Variants in SFMBT1 observed in about 807,000 individuals in gnomAD.
SFMBT1 encodes the protein scm-like with four MBT domains protein 1.
In SFMBT1, 32 loss-of-function variants were observed where a neutral mutation model predicts 108.7. That is an observed-to-expected ratio of 0.29 (90% CI 0.22 to 0.40). SFMBT1 has a LOEUF of 0.40. Ranked by LOEUF, SFMBT1 falls within the 10% of genes least tolerant of loss-of-function variation. The pLI is 1.00. For missense variants in SFMBT1, 816 were observed against 1,059.6 expected (o/e 0.77, Z 3.19); for synonymous variants, 348 against 369.5 (o/e 0.94, Z 0.67).
At chr3:53,022,486 C>G (rs1174834991) in intron 1 of SFMBT1, among the ~76,000 whole-genome samples, 2 of 149,426 alleles carry the variant, frequency 1.3e-5, no homozygotes, top group Non-Finnish European at 3.0e-5. Flanking sequence ...AACATAAGAC[C>G]CTGTTTCTAT....
At chr3:53,011,776 C>G (rs1698953422) in intron 1 of SFMBT1, among the ~76,000 whole-genome samples, 1 of 152,208 alleles carries the variant, frequency 6.6e-6, no homozygotes, top group Non-Finnish European at 1.5e-5. Context: ...GTGTAAAAGA[C>G]TGGTGTGTTC....
rs1197469510 is a variant in SFMBT1, at chr3:52,916,151, T to C, written c.1479A>G (p.Ser493=). 6.2e-7 allele frequency: 1 copy of C among 1,613,688 alleles called. No individual in the cohort carries two copies. Among genetic ancestry groups the C allele is most frequent in the Admixed American group, 1.7e-5 (1 of 59,998 alleles). Residue 493 remains serine (S), a splice_region_variant and synonymous_variant, in exon 14 of 21, where the codon TCA becomes TCG. Transcript: ENST00000394752. The part of the protein sequence containing the change: ...LRNQELNSTE[S]VMINGKYCCP... ...CCTTAAGATGACATGTGCTTATACC[T>C]GACTCTGTGGAGTTCAGCTCCTGAT...
chr3:52,985,666 C>T (rs1014602300), intron 1 of SFMBT1, among the ~76,000 whole-genome samples: 1 of 152,094 alleles, frequency 6.6e-6, no homozygotes, highest in Non-Finnish European at 1.5e-5. Context: ...TGTCATTATT[C>T]GAACATCATA....
chr3:52,965,317 G>T (rs1704096401), intron 2 of SFMBT1, among the ~76,000 whole-genome samples: 2 of 95,092 alleles, frequency 2.1e-5, no homozygotes, highest in South Asian at 5.5e-4. Flanking sequence ...ACAACAGAGA[G>T]AAAACATTAA....
intron 1 of SFMBT1, among the ~76,000 whole-genome samples, chr3:53,032,585 T>C (rs1439930548): frequency 6.6e-6 from 1 of 152,218 alleles, no homozygotes; most frequent in Non-Finnish European, 1.5e-5. Context: ...AACATAATCA[T>C]TTCTTGTTTA....
Position 52,971,980 on chromosome 3 carries a change from G to C in SFMBT1, c.-130-2722C>G, listed in dbSNP as rs139046372. ...TTAATATTTACTGAGGACTGCCTAC[G>C]TGCTGGGGCACTGTTTTAAGCAGGT... is the stretch of plus-strand genomic sequence containing the variant. On this transcript the variant is annotated intron_variant, in intron 1 of 20. Coordinates refer to ENST00000394752, the MANE Select transcript of SFMBT1 (RefSeq NM_016329.4). Among the ~76,000 whole-genome samples, 1,864 of 152,338 alleles carry C rather than the reference G, an allele frequency of 0.012. 129 individuals carry two copies. The South Asian group carries it at 0.18, about 15-fold the overall frequency.
At chr3:52,954,858 TA>T (rs11310704) in intron 2 of SFMBT1, among the ~76,000 whole-genome samples, 148,603 of 149,548 alleles carry the variant, frequency 0.99, 73,833 homozygotes, top group East Asian at 1. Flanking sequence ...TTTACCTTAA[TA>T]AAAAAAAAAA....
chr3:52,921,728 G>C lies in SFMBT1; in HGVS notation c.1235C>G (p.Ser412Cys). ...CVATITAVRGSYLWLQLEGSK... is the reference protein window; with the variant it reads ...CVATITAVRGCYLWLQLEGSK... ...ACCCTCCAGCTGGAGCCACAGGTAGGAGCCTCTCACTGCAGTGATGGTAGC... is the reference window on the plus strand; with the variant it reads ...ACCCTCCAGCTGGAGCCACAGGTAGCAGCCTCTCACTGCAGTGATGGTAGC... The change falls in exon 11 of 21, where the codon TCC (serine) becomes TGC (cysteine). Residue 412 changes from serine (S) to cysteine (C), a missense_variant. Coordinates refer to ENST00000394752, the MANE Select transcript of SFMBT1 (RefSeq NM_016329.4). The C allele has an allele frequency of 1.9e-6, 3 of 1,614,126 alleles. No homozygotes were observed. Among genetic ancestry groups the C allele is most frequent in the Non-Finnish European group, 2.5e-6 (3 of 1,180,016 alleles).
At chr3:52,950,225 A>G (rs1703526775) in intron 3 of SFMBT1, among the ~76,000 whole-genome samples, 1 of 152,074 alleles carries the variant, frequency 6.6e-6, no homozygotes, top group Admixed American at 6.6e-5. Flanking sequence ...CAGGCATTTT[A>G]TATTATTCCA....
chr3:53,023,063 G>C (rs1004601546), intron 1 of SFMBT1, among the ~76,000 whole-genome samples: 3 of 152,138 alleles, frequency 2.0e-5, no homozygotes, highest in African/African-American at 7.2e-5. Context: ...TAGTTACCAA[G>C]TATGTTTAGA....
In SFMBT1 at chr3:52,932,147, A is replaced by G. The variant is rs142835908; in HGVS notation, c.615T>C (p.Tyr205=). 4 of 1,614,082 alleles carry G rather than the reference A, an allele frequency of 2.5e-6. No homozygotes were observed. The African/African-American group carries it at 4.0e-5, about 16-fold the overall frequency. The change falls in exon 6 of 21, where the codon TAT becomes TAC. Residue 205 remains tyrosine (Y), a synonymous_variant. Coordinates refer to ENST00000394752, the MANE Select transcript of SFMBT1 (RefSeq NM_016329.4). ...RYEGLESSDN[Y]EHWLYYLDPF... ...GATCCAAGTAATACAACCAATGTTC[A>G]TAATTGTCAGAACTTTCAAGTCCTT... is the stretch of plus-strand genomic sequence containing the variant.
intron 1 of SFMBT1, among the ~76,000 whole-genome samples, chr3:53,017,909 A>C (rs1342167421): frequency 1.3e-5 from 2 of 152,212 alleles, no homozygotes; most frequent in Non-Finnish European, 2.9e-5. Context: ...CTGGAAGTCT[A>C]TGCATACTTA....
Position 52,969,080 on chromosome 3 carries a change from TTC to T in SFMBT1, c.28+19_28+20del, listed in dbSNP as rs1490914084. ...ATAATTGTGCATCCTAGAGAATAAA[TTC>T]TGAGAATAAAACCAATACCTGCATC... On this transcript the variant is annotated intron_variant, in intron 2 of 20. Coordinates refer to ENST00000394752, the MANE Select transcript of SFMBT1 (RefSeq NM_016329.4). 1 of 1,613,640 alleles carries T rather than the reference TTC, an allele frequency of 6.2e-7. No homozygotes were observed.
chr3:53,045,635 T>TGCCGCC (rs1193679574), intron 1 of SFMBT1, among the ~76,000 whole-genome samples, 181 bp downstream of exon 1: 1 of 114,944 alleles, frequency 8.7e-6, no homozygotes, highest in Non-Finnish European at 1.9e-5. Flanking sequence ...GCCCCCAACG[T>TGCCGCC]GCCGCCGCCG....
In SFMBT1 at chr3:53,004,838, G is replaced by A. The variant is rs143222515; in HGVS notation, c.-130-35580C>T. On this transcript the variant is annotated intron_variant, in intron 1 of 20. Transcript: ENST00000394752. ...AGCTGAAGCAGCCATCCCTGGAACC[G>A]GAAAGAATGAGAAGGGAACACAACT... Among the ~76,000 whole-genome samples, 357 of 132,586 alleles carry A rather than the reference G, an allele frequency of 2.7e-3. 12 individuals carry two copies. Among genetic ancestry groups the A allele is most frequent in the African/African-American group, 7.8e-3 (313 of 40,038 alleles). 87.0% of individuals were successfully genotyped at this position (132,586 alleles called of 152,430 possible).
intron 1 of SFMBT1, among the ~76,000 whole-genome samples, chr3:53,042,685 C>G (rs1444748578): frequency 6.6e-6 from 1 of 152,064 alleles, no homozygotes; most frequent in African/African-American, 2.4e-5. Context: ...TACAACAAAA[C>G]AGCAAAAAAA....
At chr3:53,004,990 AT>A (rs924654018) in intron 1 of SFMBT1, among the ~76,000 whole-genome samples, 11 of 152,096 alleles carry the variant, frequency 7.2e-5, no homozygotes, top group African/African-American at 1.4e-4. Context: ...AAGTTTAATA[AT>A]TTTTTTTCTT....
At chr3:53,022,226 GATCACTTGAGCCCAGGAGTT>G (rs1453650786) in intron 1 of SFMBT1, among the ~76,000 whole-genome samples, 3 of 152,160 alleles carry the variant, frequency 2.0e-5, no homozygotes, top group Non-Finnish European at 2.9e-5. Flanking sequence ...AAGGTGGGCA[GATCACTTGAGCCCAGGAGTT>G]GGAGACCAAA....
intron 1 of SFMBT1, among the ~76,000 whole-genome samples, chr3:52,998,379 G>C (rs1399225061): frequency 6.7e-6 from 1 of 150,196 alleles, no homozygotes; most frequent in African/African-American, 2.4e-5. Flanking sequence ...GTGACAGAGA[G>C]AGACTCCGTC....
Sources: allele counts gnomAD v4.1 joint callset (sites outside exome capture counted in the v4.1 genomes callset), GRCh38; gene constraint gnomAD v4.1.1; transcripts MANE v1.5; gene names NCBI Gene and HGNC (gene_info 2026-07-23, HGNC 2026-07-21).